CACNA1G: variants seen among roughly 807,000 people sequenced by gnomAD.
CACNA1G encodes voltage-dependent T-type calcium channel subunit alpha-1G.
CACNA1G carries 67 observed loss-of-function variants against 219.4 expected under a neutral mutation model. The ratio of observed to expected loss-of-function variants is 0.31; its 90% CI spans 0.25 to 0.37. The LOEUF is 0.37. Ranked by LOEUF, CACNA1G falls within the 10% of genes least tolerant of loss-of-function variation. The probability of loss-of-function intolerance (pLI) is 1.00; values close to 1 mark genes in which losing one functional copy is unlikely to be tolerated. For synonymous variants in CACNA1G, 1,296 were observed against 1,345.3 expected, an observed-to-expected ratio of 0.96 and a Z score of 0.80; for missense variants, 2,380 against 3,231.4, an observed-to-expected ratio of 0.74 and a Z score of 6.39.
At chr17:50,585,608 C>T (rs1188522982) in intron 9 of CACNA1G, among the ~76,000 whole-genome samples, 1 of 151,988 alleles carries the variant, frequency 6.6e-6, no homozygotes, top group East Asian at 1.9e-4. Context: ...CTGGGGGCAC[C>T]ATGACACCTA....
intron 26 of CACNA1G, among the ~76,000 whole-genome samples, chr17:50,613,445 G>A (rs759822133): frequency 5.9e-5 from 9 of 152,092 alleles, no homozygotes; most frequent in Non-Finnish European, 1.2e-4. Flanking sequence ...CTTGGAGGAG[G>A]GTCCCGGCTG....
chr17:50,615,598 A>G, intron 27 of CACNA1G, 86 bp downstream of exon 27: 1 of 1,464,518 alleles, frequency 6.8e-7, no homozygotes. Context: ...GAGCCAGGGT[A>G]CCTCTGTGCC....
rs1346017009 is a variant in CACNA1G, at chr17:50,626,853, G to C, written c.*102G>C. Reference sequence around the variant, plus strand: ...ACAAAAGTTCCATATAGACACCAAGGAGGCGGAGGCGCTCCTCCCTGCCTC... The same window carrying C: ...ACAAAAGTTCCATATAGACACCAAGCAGGCGGAGGCGCTCCTCCCTGCCTC... On this transcript the variant is annotated 3_prime_UTR_variant, in exon 38 of 38. Transcript: ENST00000359106. The surrounding 1 kb of genome is among the most constrained non-coding windows in gnomAD (Gnocchi z 4.3). 6.9e-7 allele frequency: 1 copy of C among 1,455,536 alleles called. No individual in the cohort carries two copies. Among genetic ancestry groups the C allele is most frequent in the Admixed American group, 1.7e-5 (1 of 59,798 alleles). 90.2% of individuals were successfully genotyped at this position (1,455,536 alleles called of 1,614,324 possible).
At chr17:50,602,442 A>C (rs1415593318) in intron 19 of CACNA1G, among the ~76,000 whole-genome samples, 1 of 152,210 alleles carries the variant, frequency 6.6e-6, no homozygotes, top group Non-Finnish European at 1.5e-5. Flanking sequence ...AGAGGGTGGG[A>C]TGGCAGGCAA....
At chr17:50,590,433 G>A in intron 9 of CACNA1G, 38 bp from the exon 10 acceptor site, 1 of 1,611,532 alleles carries the variant, frequency 6.2e-7, no homozygotes, top group Non-Finnish European at 8.5e-7. Flanking sequence ...GGGGCTCAGT[G>A]ATAAGCCAGC....
Position 50,601,236 on chromosome 17 carries a change from G to A in CACNA1G, c.3915+62G>A, listed in dbSNP as rs190822472. Reference sequence around the variant, plus strand: ...TGGGGTTTGCACTCAGGACCAGTGAGGGAGGCAAGGAGGCCACAGTTGCTG... The same window carrying A: ...TGGGGTTTGCACTCAGGACCAGTGAAGGAGGCAAGGAGGCCACAGTTGCTG... On this transcript the variant is annotated intron_variant, in intron 19 of 37. Transcript: ENST00000359106. 664 of 1,588,844 alleles carry A rather than the reference G, an allele frequency of 4.2e-4. 4 individuals are homozygous for A. The African/African-American group carries it at 8.1e-3, about 19-fold the overall frequency.
intron 13 of CACNA1G, among the ~76,000 whole-genome samples, chr17:50,593,453 T>C (rs957082384): frequency 2.6e-5 from 4 of 152,256 alleles, no homozygotes; most frequent in African/African-American, 9.6e-5. Flanking sequence ...CAAGGCAGTC[T>C]GGAGGTGCCC....
chr17:50,605,975 C>G lies in CACNA1G; in HGVS notation c.4374C>G (p.Ala1458=). The G allele has an allele frequency of 6.2e-7, 1 of 1,613,872 alleles. No homozygotes were observed. Among genetic ancestry groups the G allele is most frequent in the African/African-American group, 1.3e-5 (1 of 75,056 alleles). Residue 1458 remains alanine, a synonymous_variant, in exon 23 of 38, where the codon GCC becomes GCG. Coordinates refer to ENST00000359106, the MANE Select transcript of CACNA1G (RefSeq NM_018896.5). ...CCAATAAATCGGACTGTGCCGAGGC[C>G]AGTTACCGGTGGGTCCGGCACAAGT... The part of the protein sequence containing the change: ...NITNKSDCAE[A]SYRWVRHKYN...
At position 50,601,079 on chromosome 17, in the gene CACNA1G, A is replaced by T; in HGVS notation, c.3820A>T (p.Thr1274Ser). 3 of 1,613,706 alleles carry T rather than the reference A, an allele frequency of 1.9e-6. No individual in the cohort carries two copies. The highest frequency in any genetic ancestry group is 2.5e-6 in the Non-Finnish European group (3 of 1,179,806). The change falls in exon 19 of 38, where the codon ACC becomes TCC. Residue 1274 changes from threonine (T) to serine (S), a missense_variant. By Grantham distance (58) the Thr-to-Ser change is moderately conservative. Coordinates refer to ENST00000359106, the MANE Select transcript of CACNA1G (RefSeq NM_018896.5). ...CCGCCTCCTGTGTCACCGGATCATCACCCACAAGATGTTCGACCACGTGGT... is the reference window on the plus strand; with the variant it reads ...CCGCCTCCTGTGTCACCGGATCATCTCCCACAAGATGTTCGACCACGTGGT... Reference protein sequence around the residue: ...RFRLLCHRIITHKMFDHVVLV... With the variant: ...RFRLLCHRIISHKMFDHVVLV...
intron 33 of CACNA1G, 126 bp downstream of exon 33, chr17:50,619,134 T>A: frequency 1.4e-6 from 1 of 725,946 alleles, no homozygotes; most frequent in Non-Finnish European, 2.2e-6. Context: ...CCGCCCTCCG[T>A]CCTGGATGCT....
intron 27 of CACNA1G, 108 bp downstream of exon 27, chr17:50,615,620 A>T: frequency 1.6e-6 from 2 of 1,229,170 alleles, no homozygotes; most frequent in Non-Finnish European, 2.3e-6. Flanking sequence ...AGCAAGTGCT[A>T]GGCACACTAC....
At chr17:50,575,463 G>A in intron 7 of CACNA1G, 80 bp from the exon 8 acceptor site, 7 of 1,392,278 alleles carry the variant, frequency 5.0e-6, no homozygotes, top group Middle Eastern at 2.6e-4. Flanking sequence ...TGGCTCATAG[G>A]AATGCCTCCG....
chr17:50,590,184 C>T (rs1598355565), intron 9 of CACNA1G, among the ~76,000 whole-genome samples: 1 of 152,126 alleles, frequency 6.6e-6, no homozygotes, highest in South Asian at 2.1e-4. Flanking sequence ...GGAGATAGGG[C>T]GGAACCCACA....
intron 9 of CACNA1G, among the ~76,000 whole-genome samples, chr17:50,580,417 T>A (rs1240012502): frequency 1.3e-5 from 2 of 151,952 alleles, no homozygotes; most frequent in Non-Finnish European, 2.9e-5. Context: ...ACCTCCCCAG[T>A]GCCCCCTCCC....
chr17:50,592,452 C>T (rs1327975780), intron 13 of CACNA1G, among the ~76,000 whole-genome samples: 2 of 152,246 alleles, frequency 1.3e-5, no homozygotes, highest in South Asian at 2.1e-4. Flanking sequence ...CGGAGAGGAC[C>T]CCTCTGAGCC....
chr17:50,607,022 G>C (rs763932318), intron 24 of CACNA1G, 33 bp downstream of exon 24: 1 of 1,530,660 alleles, frequency 6.5e-7, no homozygotes, highest in Non-Finnish European at 9.1e-7. Flanking sequence ...CCATCTGTGG[G>C]CTCAGGTCAC....
In CACNA1G at chr17:50,569,314, G is replaced by A. The variant is rs1291653783; in HGVS notation, c.488+16G>A. ...TCATCGCAGGGTGAGGACCTGGGCTGGGGTGGGAGAGCAATGGATCAGATC... is the reference window on the plus strand; with the variant it reads ...TCATCGCAGGGTGAGGACCTGGGCTAGGGTGGGAGAGCAATGGATCAGATC... On this transcript the variant is annotated intron_variant, in intron 3 of 37. Transcript: ENST00000359106. 1.2e-6 allele frequency: 2 copies of A among 1,613,052 alleles called. No homozygotes were observed. Among genetic ancestry groups the A allele is most frequent in the Admixed American group, 1.7e-5 (1 of 60,012 alleles).
At position 50,596,799 on chromosome 17, in the gene CACNA1G, C is replaced by CCACACCCATGT; in HGVS notation, c.3136_3146dup (p.Leu1050HisfsTer38). On this transcript the variant is annotated frameshift_variant, in exon 16 of 38. Transcript: ENST00000359106. LOFTEE classifies it high-confidence loss of function. This position sits in a 1 kb window ranked among gnomAD's most constrained non-coding sequence, Gnocchi z 4.8. ...CCGCCTCTCATCATCCACACGGCCG[C>CCACACCCATGT]CACACCCATGTCGCTGCCCAAGAGC... is the stretch of plus-strand genomic sequence containing the variant. The CCACACCCATGT allele has an allele frequency of 6.2e-7, 1 of 1,611,800 alleles. No individual in the cohort carries two copies.
At chr17:50,561,756 C>T in intron 1 of CACNA1G, 55 bp downstream of exon 1, 1 of 1,477,358 alleles carries the variant, frequency 6.8e-7, no homozygotes, top group South Asian at 1.4e-5. Context: ...ACGGGCCGCA[C>T]CGCCGGGGGT....
Sources: allele counts gnomAD v4.1 joint callset (sites outside exome capture counted in the v4.1 genomes callset), GRCh38; gene constraint gnomAD v4.1.1; non-coding constraint Gnocchi (gnomAD v3.1); transcripts MANE v1.5; gene names NCBI Gene and HGNC (gene_info 2026-07-23, HGNC 2026-07-21).